The following NRG1 variants were observed in gnomAD, a reference collection of about 807,000 sequenced individuals.
NRG1 encodes neuregulin 1, also known as pro-neuregulin-1, membrane-bound isoform.
A neutral mutation model predicts 63.8 loss-of-function variants in NRG1; 18 were observed. That is an observed-to-expected ratio of 0.28 (90% CI 0.19 to 0.42). The LOEUF is 0.42. NRG1 is among the 10% of genes least tolerant of loss of function. NRG1 has a pLI of 1.00. For missense variants in NRG1, 762 were observed against 814.7 expected, an observed-to-expected ratio of 0.94 and a Z score of 0.79; for synonymous variants, 302 against 301.3, an observed-to-expected ratio of 1.00 and a Z score of -0.02.
At chr8:32,522,914 T>C (rs56336029) in intron 1 of NRG1, among the ~76,000 whole-genome samples, 23,706 of 151,576 alleles carry the variant, frequency 0.16, 2,411 homozygotes, top group Admixed American at 0.31. Context: ...CAGGTGATCC[T>C]CCCACCTAGC....
chr8:31,932,537 G>A (rs1220489786), intron 1 of NRG1, among the ~76,000 whole-genome samples: 2 of 152,150 alleles, frequency 1.3e-5, no homozygotes, highest in African/African-American at 4.8e-5. Flanking sequence ...GAGATCACTT[G>A]TTAAAAGTCG....
chr8:31,795,962 T>G (rs1444425638), intron 1 of NRG1, among the ~76,000 whole-genome samples: 1 of 152,198 alleles, frequency 6.6e-6, no homozygotes, highest in African/African-American at 2.4e-5. Context: ...TCGTAGACAC[T>G]CAAGAAATTG....
exon 1 of NRG1, chr8:32,548,424 G>A (rs954882902): frequency 1.8e-6 from 2 of 1,120,758 alleles, no homozygotes; most frequent in African/African-American, 3.3e-5. Flanking sequence ...GGGTTGCGAG[G>A]GCGCCGGGCA....
chr8:31,800,841 T>TC (rs928762672), intron 1 of NRG1, among the ~76,000 whole-genome samples: 2 of 132,320 alleles, frequency 1.5e-5, no homozygotes, highest in East Asian at 2.1e-4. Context: ...TCCTTTCTTT[T>TC]TTTTTTTTTT....
chr8:32,292,110 T>C (rs561205764), intron 1 of NRG1, among the ~76,000 whole-genome samples: 1 of 152,286 alleles, frequency 6.6e-6, no homozygotes, highest in African/African-American at 2.4e-5. Flanking sequence ...AACACTTTCA[T>C]TTTTTCCCCC....
intron 1 of NRG1, among the ~76,000 whole-genome samples, chr8:32,207,182 G>A (rs552911938): frequency 2.2e-4 from 34 of 151,932 alleles, no homozygotes; most frequent in Non-Finnish European, 3.5e-4. Context: ...GAACATGACA[G>A]TCTCTGGGGT....
chr8:31,841,281 A>T (rs1370356773), intron 1 of NRG1, among the ~76,000 whole-genome samples: 1 of 152,018 alleles, frequency 6.6e-6, no homozygotes, highest in East Asian at 1.9e-4. Flanking sequence ...AAGTGTAGAG[A>T]AGACCATGGT....
At chr8:32,423,939 T>C (rs1215055917) in intron 1 of NRG1, among the ~76,000 whole-genome samples, 1 of 152,304 alleles carries the variant, frequency 6.6e-6, no homozygotes, top group Non-Finnish European at 1.5e-5. Context: ...TAATAATGAA[T>C]GGGAATGTTA....
chr8:32,224,320 G>T (rs1846114015), intron 1 of NRG1, among the ~76,000 whole-genome samples: 1 of 152,132 alleles, frequency 6.6e-6, no homozygotes. Flanking sequence ...GGAGTGTTTT[G>T]CAGTACAGCT....
chr8:32,366,786 A>T (rs1808118598), intron 1 of NRG1, among the ~76,000 whole-genome samples: 1 of 148,952 alleles, frequency 6.7e-6, no homozygotes, highest in African/African-American at 2.5e-5. Context: ...ATCTCAGCTA[A>T]CTGCAACCTC....
chr8:32,341,214 A>G (rs78787168), intron 1 of NRG1, among the ~76,000 whole-genome samples: 3,175 of 152,254 alleles, frequency 0.021, 104 homozygotes, highest in African/African-American at 0.072. Context: ...CGAATTCCAG[A>G]TAGGTCTCTT....
intron 1 of NRG1, among the ~76,000 whole-genome samples, chr8:31,982,527 A>G (rs1323983451): frequency 6.6e-6 from 1 of 152,034 alleles, no homozygotes; most frequent in Non-Finnish European, 1.5e-5. Flanking sequence ...CTGAAAGAGC[A>G]TGTTTCTGCA....
At chr8:32,307,681 A>G (rs1373133481) in intron 1 of NRG1, among the ~76,000 whole-genome samples, 2 of 151,834 alleles carry the variant, frequency 1.3e-5, no homozygotes, top group Non-Finnish European at 2.9e-5. Context: ...CTCCTCAAGA[A>G]CAGTCTAGAT....
intron 1 of NRG1, among the ~76,000 whole-genome samples, chr8:32,479,553 A>C (rs1243914843): frequency 6.6e-6 from 1 of 152,120 alleles, no homozygotes; most frequent in Non-Finnish European, 1.5e-5. Flanking sequence ...AGAAAAGGAG[A>C]GAGTAGAGTA....
At chr8:32,745,673 G>T (rs370859285) in intron 7 of NRG1, among the ~76,000 whole-genome samples, 1 of 102,700 alleles carries the variant, frequency 9.7e-6, no homozygotes, top group Admixed American at 9.7e-5. Flanking sequence ...TGGTGTGTGG[G>T]GGGTGTGTGT....
intron 1 of NRG1, among the ~76,000 whole-genome samples, chr8:32,474,300 A>G (rs1039981333): frequency 3.9e-5 from 6 of 152,200 alleles, no homozygotes; most frequent in Admixed American, 2.6e-4. Flanking sequence ...AAAACTGACT[A>G]TGGTAAGAAG....
intron 6 of NRG1, among the ~76,000 whole-genome samples, chr8:32,729,645 G>A (rs931507791): frequency 7.2e-5 from 11 of 152,136 alleles, no homozygotes; most frequent in African/African-American, 2.4e-4. Flanking sequence ...AGTCAACAAA[G>A]CCATGTCCCT....
intron 3 of NRG1, among the ~76,000 whole-genome samples, chr8:32,607,175 T>C (rs1260755834): frequency 6.6e-6 from 1 of 152,226 alleles, no homozygotes; most frequent in African/African-American, 2.4e-5. Context: ...CTTTATTTTT[T>C]AACCAGGGCA....
At chr8:32,573,525 A>G (rs1480959270) in intron 1 of NRG1, among the ~76,000 whole-genome samples, 1 of 151,972 alleles carries the variant, frequency 6.6e-6, no homozygotes, top group East Asian at 1.9e-4. Flanking sequence ...GCAATATTCA[A>G]TTTTTCTTTA....
Sources: allele counts gnomAD v4.1 joint callset (sites outside exome capture counted in the v4.1 genomes callset), GRCh38; gene constraint gnomAD v4.1.1; transcripts MANE v1.5; gene names NCBI Gene and HGNC (gene_info 2026-07-23, HGNC 2026-07-21).